The following USP24 variants were observed in gnomAD, a reference collection of about 807,000 sequenced individuals.
USP24 encodes ubiquitin specific peptidase 24.
USP24 carries 97 observed loss-of-function variants against 361.6 expected under a neutral mutation model. The observed-to-expected ratio is 0.27, with a 90% CI of 0.23 to 0.32. The LOEUF (loss-of-function observed/expected upper bound fraction) is 0.32, where lower values mean the gene tolerates loss of function less well. Ranked by LOEUF, USP24 falls within the 10% of genes least tolerant of loss-of-function variation. USP24 has a pLI of 1.00. For synonymous variants in USP24, 1,098 were observed against 1,124.6 expected (o/e 0.98, Z 0.47); for missense variants, 2,353 against 3,165.6 (o/e 0.74, Z 6.16).
chr1:55,141,455 A>G (rs760494171), intron 24 of USP24, among the ~76,000 whole-genome samples, 161 bp downstream of exon 24: 44 of 152,194 alleles, frequency 2.9e-4, no homozygotes, highest in Non-Finnish European at 5.4e-4. Context: ...AGATTCAGGG[A>G]TGTATGATGG....
chr1:55,081,289 G>A (rs1557533333), intron 59 of USP24, 33 bp downstream of exon 59: 1 of 1,591,806 alleles, frequency 6.3e-7, no homozygotes. Flanking sequence ...GACAAATTCA[G>A]TATCTCTTCA....
rs529557330 is a variant in USP24, at chr1:55,114,493, T to C, written c.4509-4247A>G. Among the ~76,000 whole-genome samples the C allele has an allele frequency of 4.4e-3, 673 of 152,174 alleles. 2 individuals are homozygous for C. The highest frequency in any genetic ancestry group is 0.016 in the African/African-American group (651 of 41,514). On this transcript the variant is annotated intron_variant, in intron 38 of 67. Coordinates refer to ENST00000294383, the MANE Select transcript of USP24 (RefSeq NM_015306.3). ...CATCATGCTACCTGACTTCAAACTA[T>C]ACTACAAGGCTACAGTACCAAAACA...
chr1:55,094,422 T>A (rs1278008217), intron 51 of USP24, among the ~76,000 whole-genome samples: 4 of 152,252 alleles, frequency 2.6e-5, no homozygotes, highest in African/African-American at 9.6e-5. Flanking sequence ...TTGTGAGATA[T>A]CTTTCCCAGC....
At chr1:55,179,298 T>G (rs80178342) in intron 1 of USP24, among the ~76,000 whole-genome samples, 1 of 152,072 alleles carries the variant, frequency 6.6e-6, no homozygotes, top group Non-Finnish European at 1.5e-5. Flanking sequence ...TTCTGGTACA[T>G]CTTCATCTTC....
chr1:55,207,102 C>T (rs1447882422), intron 1 of USP24, among the ~76,000 whole-genome samples: 1 of 152,142 alleles, frequency 6.6e-6, no homozygotes, highest in African/African-American at 2.4e-5. Context: ...AGGCTACAAT[C>T]AGCCAAAATC....
At chr1:55,136,545 A>G (rs1646740671) in intron 28 of USP24, among the ~76,000 whole-genome samples, 1 of 152,182 alleles carries the variant, frequency 6.6e-6, no homozygotes, top group Non-Finnish European at 1.5e-5. Context: ...GCACTACTAA[A>G]ATATGCCAGG....
chr1:55,143,549 G>GGCTT (rs895643904), intron 21 of USP24, among the ~76,000 whole-genome samples: 1 of 152,000 alleles, frequency 6.6e-6, no homozygotes, highest in African/African-American at 2.4e-5. Context: ...TAGGACCCAG[G>GGCTT]GCTTGTAAAA....
intron 38 of USP24, among the ~76,000 whole-genome samples, chr1:55,116,681 C>T (rs1028623603): frequency 7.8e-6 from 1 of 128,958 alleles, no homozygotes; most frequent in African/African-American, 2.8e-5. Context: ...ATTGGTAATC[C>T]AAAAAAAAAA....
rs144748629 is a variant in USP24 at position 55,140,279 on chromosome 1, T to C, written c.2751-1269A>G. ...TAGGAGTTTGGACATCCTAACCCAATAGCACATAAATATACTTACATTCGA... is the reference window on the plus strand; with the variant it reads ...TAGGAGTTTGGACATCCTAACCCAACAGCACATAAATATACTTACATTCGA... On this transcript the variant is annotated intron_variant, in intron 24 of 67. Coordinates refer to ENST00000294383, the MANE Select transcript of USP24 (RefSeq NM_015306.3). Among the ~76,000 whole-genome samples, 365 of 152,186 alleles carry C rather than the reference T, an allele frequency of 2.4e-3. 2 individuals carry two copies. Among genetic ancestry groups the C allele is most frequent in the Admixed American group, 3.8e-3 (58 of 15,272 alleles).
At chr1:55,197,628 G>A (rs1644454731) in intron 1 of USP24, among the ~76,000 whole-genome samples, 1 of 152,178 alleles carries the variant, frequency 6.6e-6, no homozygotes, top group Admixed American at 6.5e-5. Flanking sequence ...CCTGTTTAAA[G>A]TTTGGCTCCC....
At chr1:55,072,244 C>T (rs939410402) in intron 66 of USP24, 73 bp downstream of exon 66, 2 of 1,258,348 alleles carry the variant, frequency 1.6e-6, no homozygotes, top group Non-Finnish European at 2.3e-6. Flanking sequence ...TCAGAGGTTG[C>T]AGTTTCTGAG....
At chr1:55,178,561 C>T (rs1286714987) in intron 1 of USP24, among the ~76,000 whole-genome samples, 1 of 151,444 alleles carries the variant, frequency 6.6e-6, no homozygotes, top group East Asian at 1.9e-4. Context: ...CCCAGCTACT[C>T]GGGAGGCTGA....
chr1:55,071,094 T>G (rs965129498), intron 67 of USP24: 2 of 965,222 alleles, frequency 2.1e-6, no homozygotes, highest in Non-Finnish European at 2.5e-6. Flanking sequence ...CCTCACATAG[T>G]GCTTATGAGG....
intron 38 of USP24, 49 bp downstream of exon 38, chr1:55,120,547 A>G: frequency 6.7e-7 from 1 of 1,483,162 alleles, no homozygotes; most frequent in East Asian, 2.5e-5. Context: ...ACAAATTATC[A>G]TTTATCCTCT....
chr1:55,087,250 T>G (rs1645271505), intron 55 of USP24, among the ~76,000 whole-genome samples: 1 of 152,238 alleles, frequency 6.6e-6, no homozygotes, highest in South Asian at 2.1e-4. Context: ...GATGAGTGAT[T>G]GGTCTTTATA....
At position 55,092,137 on chromosome 1, in the gene USP24, G is replaced by C. The variant is rs1645390411; in HGVS notation, c.6451-11C>G. 1.3e-6 allele frequency: 2 copies of C among 1,587,206 alleles called. No individual in the cohort carries two copies. Among genetic ancestry groups the C allele is most frequent in the Non-Finnish European group, 1.7e-6 (2 of 1,161,986 alleles). On this transcript the variant is annotated splice_polypyrimidine_tract_variant and intron_variant, in intron 53 of 67. Coordinates refer to ENST00000294383, the MANE Select transcript of USP24 (RefSeq NM_015306.3). ...ATGCTTTAATTTAGTCTAAGAGAGGGAAACATGAAAGAGGATATTTTTCAC... is the reference window on the plus strand; with the variant it reads ...ATGCTTTAATTTAGTCTAAGAGAGGCAAACATGAAAGAGGATATTTTTCAC...
chr1:55,116,796 T>A (rs909199741), intron 38 of USP24, among the ~76,000 whole-genome samples: 2 of 152,132 alleles, frequency 1.3e-5, no homozygotes, highest in African/African-American at 4.8e-5. Context: ...CCAAGTCTTC[T>A]CAAGCTCTTT....
intron 11 of USP24, 85 bp from the exon 12 acceptor site, chr1:55,157,136 T>C: frequency 7.2e-7 from 1 of 1,389,882 alleles, no homozygotes; most frequent in East Asian, 2.3e-5. Context: ...AAACAATAAC[T>C]TACTATAAGA....
rs1447407788 is a variant in USP24 at position 55,137,919 on chromosome 1, T to A, written c.2929-15A>T. ...TTACTGTGAGCCTGTAAAATAAAAT[T>A]AAACACGTTGTGAGAGAATTCATTT... On this transcript the variant is annotated splice_polypyrimidine_tract_variant and intron_variant, in intron 26 of 67. Transcript: ENST00000294383. The A allele has an allele frequency of 6.4e-7, 1 of 1,561,432 alleles. No homozygotes were observed. Among genetic ancestry groups the A allele is most frequent in the Non-Finnish European group, 8.7e-7 (1 of 1,151,172 alleles).
Sources: gnomAD v4.1 joint callset for allele counts (sites outside exome capture counted in the v4.1 genomes callset) on GRCh38, gnomAD v4.1.1 for gene constraint, MANE v1.5 for transcripts, NCBI Gene and HGNC (gene_info 2026-07-23, HGNC 2026-07-21) for gene names.